Variants in RNF24 observed in about 807,000 individuals in gnomAD.
RNF24 encodes ring finger protein 24.
A neutral mutation model predicts 20.0 loss-of-function variants in RNF24; 14 were observed. The ratio of observed to expected loss-of-function variants is 0.70; its 90% CI spans 0.46 to 1.10. RNF24 has a LOEUF of 1.10. Ranked by LOEUF, RNF24 falls within the 50% of genes least tolerant of loss-of-function variation. RNF24 has a pLI of 0.00. For synonymous variants in RNF24, 45 were observed against 61.1 expected (o/e 0.74, Z 1.23); for missense variants, 124 against 177.6 (o/e 0.70, Z 1.71).
intron 1 of RNF24, chr20:3,974,455 A>G: frequency 3.5e-6 from 5 of 1,444,040 alleles, no homozygotes; most frequent in Non-Finnish European, 4.6e-6. Flanking sequence ...ATCAGAAAGG[A>G]AGAAATTAAA....
At chr20:3,977,884 G>A (rs1979019951) in intron 1 of RNF24, among the ~76,000 whole-genome samples, 1 of 150,242 alleles carries the variant, frequency 6.7e-6, no homozygotes, top group East Asian at 2.0e-4. Context: ...AAAAAAAAGG[G>A]CTCTAGCTTC....
intron 2 of RNF24, among the ~76,000 whole-genome samples, chr20:3,958,147 A>AC (rs1475084675): frequency 6.6e-6 from 1 of 152,250 alleles, no homozygotes; most frequent in African/African-American, 2.4e-5. Flanking sequence ...TTCTACAGCT[A>AC]CCCTCATCTC....
At chr20:3,973,600 A>G (rs1978588271) in intron 1 of RNF24, among the ~76,000 whole-genome samples, 2 of 151,926 alleles carry the variant, frequency 1.3e-5, no homozygotes, top group South Asian at 4.1e-4. Flanking sequence ...TCAAAAGGAT[A>G]AGAAGGGTAT....
chr20:3,960,054 C>T (rs6116120), intron 2 of RNF24, among the ~76,000 whole-genome samples: 1,550 of 152,298 alleles, frequency 0.01, 17 homozygotes, highest in African/African-American at 0.035. Flanking sequence ...CCATAGTCAG[C>T]ACATTCTATA....
rs1979927806 is a variant in RNF24, at chr20:3,986,571, T to G, written c.-7-22547A>C. ...CATGCCCAGCGCCTTTCTTCTTCTG[T>G]TTTTGTGCCTTAGATTCAGTAGAAC... On this transcript the variant is annotated intron_variant, in intron 1 of 5. Transcript: ENST00000358395. Among the ~76,000 whole-genome samples, 3 of 152,012 alleles carry G rather than the reference T, an allele frequency of 2.0e-5. No individual in the cohort carries two copies. In the South Asian group the frequency reaches 6.2e-4, roughly 32 times the overall value.
At chr20:4,007,573 G>A (rs1250944254) in intron 1 of RNF24, among the ~76,000 whole-genome samples, 1 of 151,870 alleles carries the variant, frequency 6.6e-6, no homozygotes, top group Non-Finnish European at 1.5e-5. Flanking sequence ...CAAAGAACAG[G>A]ACTTGGCTTG....
intron 1 of RNF24, among the ~76,000 whole-genome samples, chr20:4,008,369 A>T (rs1334434751): frequency 5.5e-5 from 2 of 36,484 alleles, no homozygotes; most frequent in African/African-American, 2.7e-4. Context: ...TAATATATAT[A>T]TTATATATAT....
At chr20:3,997,917 C>T (rs1981021420) in intron 1 of RNF24, among the ~76,000 whole-genome samples, 2 of 152,178 alleles carry the variant, frequency 1.3e-5, no homozygotes, top group African/African-American at 2.4e-5. Flanking sequence ...TATCGCAGTC[C>T]AAATGCCCCA....
At position 4,003,633 on chromosome 20, in the gene RNF24, C is replaced by CTTTTT. The variant is rs377227990; in HGVS notation, c.-8+11799_-8+11803dup. ...TTTTGAAGGCCCATGTTAGAAACTC[C>CTTTTT]TTTTTTTTTTTTTTTTTTTTTTTTT... On this transcript the variant is annotated intron_variant, in intron 1 of 5. Coordinates refer to ENST00000358395, the MANE Select transcript of RNF24 (RefSeq NM_001134337.3). Among the ~76,000 whole-genome samples, 59 of 84,430 alleles carry CTTTTT rather than the reference C, an allele frequency of 7.0e-4. 9 individuals are homozygous for CTTTTT. Among genetic ancestry groups the CTTTTT allele is most frequent in the African/African-American group, 1.6e-3 (33 of 20,828 alleles). 55.4% of individuals were successfully genotyped at this position (84,430 alleles called of 152,430 possible). A position where few individuals can be genotyped will look rare whatever the true frequency, so the allele number is the denominator to read the frequency against.
At chr20:3,958,691 G>A (rs2091169318) in intron 2 of RNF24, among the ~76,000 whole-genome samples, 1 of 152,188 alleles carries the variant, frequency 6.6e-6, no homozygotes, top group South Asian at 2.1e-4. Context: ...GCCCAGGCTG[G>A]AGTGCAGTGG....
chr20:4,006,163 G>A (rs148211617), intron 1 of RNF24, among the ~76,000 whole-genome samples: 1 of 152,226 alleles, frequency 6.6e-6, no homozygotes, highest in East Asian at 1.9e-4. Flanking sequence ...GAACACCTGA[G>A]GTCAAGACCA....
At chr20:3,996,118 C>T (rs1368639176) in intron 1 of RNF24, among the ~76,000 whole-genome samples, 4 of 152,146 alleles carry the variant, frequency 2.6e-5, no homozygotes, top group African/African-American at 7.2e-5. Context: ...AAGATATATG[C>T]TCCCAGTAAG....
At chr20:3,982,487 G>A (rs961851603) in intron 1 of RNF24, among the ~76,000 whole-genome samples, 2 of 149,622 alleles carry the variant, frequency 1.3e-5, no homozygotes, top group East Asian at 2.0e-4. Context: ...TGAGGCAGGA[G>A]AATCGCCTGA....
chr20:4,006,892 C>T (rs570230198), intron 1 of RNF24, among the ~76,000 whole-genome samples: 1 of 152,374 alleles, frequency 6.6e-6, no homozygotes, highest in East Asian at 1.9e-4. Flanking sequence ...TGGTTCCTAC[C>T]TCCAAAGCAC....
intron 4 of RNF24, among the ~76,000 whole-genome samples, chr20:3,944,387 G>A (rs1308127784): frequency 1.3e-5 from 2 of 152,030 alleles, no homozygotes; most frequent in African/African-American, 4.8e-5. Flanking sequence ...TTTTTATTAT[G>A]ATTCAAAAAA....
chr20:3,951,739 T>C (rs1307719067), intron 2 of RNF24, among the ~76,000 whole-genome samples: 1 of 152,236 alleles, frequency 6.6e-6, no homozygotes, highest in Admixed American at 6.5e-5. Flanking sequence ...TGGATATTGG[T>C]TGTAATCTAT....
intron 1 of RNF24, chr20:3,974,227 T>A: frequency 8.7e-7 from 1 of 1,154,216 alleles, no homozygotes; most frequent in Non-Finnish European, 1.2e-6. Context: ...CTTCAACATG[T>A]TAAAAAGCAT....
In RNF24 at chr20:3,942,764, C is replaced by T. The variant is rs559092420; in HGVS notation, c.228+2413G>A. ...CTGGGATTACAGGCGTGAGCCACCGCGCCTGGCCTGGACAAATATTTCAAA... is the reference window on the plus strand; with the variant it reads ...CTGGGATTACAGGCGTGAGCCACCGTGCCTGGCCTGGACAAATATTTCAAA... On this transcript the variant is annotated intron_variant, in intron 4 of 5. Coordinates refer to ENST00000358395, the MANE Select transcript of RNF24 (RefSeq NM_001134337.3). Among the ~76,000 whole-genome samples the T allele has an allele frequency of 2.6e-4, 39 of 149,930 alleles. No individual in the cohort carries two copies. In the South Asian group the frequency reaches 7.0e-3, roughly 27 times the overall value.
At chr20:3,959,756 T>C (rs1169381359) in intron 2 of RNF24, among the ~76,000 whole-genome samples, 1 of 152,222 alleles carries the variant, frequency 6.6e-6, no homozygotes, top group African/African-American at 2.4e-5. Context: ...TCTAAATAAC[T>C]TGCCTGTGTT....
Sources: gnomAD v4.1 joint callset for allele counts (sites outside exome capture counted in the v4.1 genomes callset) on GRCh38, gnomAD v4.1.1 for gene constraint, MANE v1.5 for transcripts, NCBI Gene and HGNC (gene_info 2026-07-23, HGNC 2026-07-21) for gene names.